TMEM132B: variants seen among roughly 807,000 people sequenced by gnomAD.
The protein encoded by TMEM132B is transmembrane protein 132B.
TMEM132B carries 18 observed loss-of-function variants against 90.8 expected under a neutral mutation model. The ratio of observed to expected loss-of-function variants is 0.20; its 90% CI spans 0.14 to 0.29. TMEM132B has a LOEUF of 0.29. Among genes scored for constraint, TMEM132B ranks in the 10% least tolerant of loss-of-function variants. The probability of loss-of-function intolerance (pLI) is 1.00; values close to 1 mark genes in which losing one functional copy is unlikely to be tolerated. For missense variants in TMEM132B, 1,096 were observed against 1,326.8 expected, an observed-to-expected ratio of 0.83 and a Z score of 2.70; for synonymous variants, 504 against 523.3, an observed-to-expected ratio of 0.96 and a Z score of 0.50.
chr12:125,441,974 A>T (rs2136430056), intron 3 of TMEM132B, among the ~76,000 whole-genome samples: 1 of 152,364 alleles, frequency 6.6e-6, no homozygotes, highest in East Asian at 1.9e-4. Context: ...TTCCTCTAAA[A>T]TTTATATTCT....
intron 5 of TMEM132B, among the ~76,000 whole-genome samples, chr12:125,608,966 C>T (rs1885761787): frequency 6.6e-6 from 1 of 152,176 alleles, no homozygotes; most frequent in East Asian, 1.9e-4. Context: ...CACAGTTCCT[C>T]ATGGCTGAGG....
intron 2 of TMEM132B, among the ~76,000 whole-genome samples, chr12:125,413,775 C>T (rs983517002): frequency 8.5e-5 from 13 of 152,138 alleles, no homozygotes; most frequent in East Asian, 3.8e-4. Context: ...CAGTCTTTTA[C>T]GTATTGCCCA....
intron 5 of TMEM132B, among the ~76,000 whole-genome samples, chr12:125,635,645 GGGTATGTACCCAGTAAT>G (rs1886462523): frequency 6.6e-6 from 1 of 152,148 alleles, no homozygotes; most frequent in Non-Finnish European, 1.5e-5. Flanking sequence ...ATAATCCTTT[GGGTATGTACCCAGTAAT>G]GGGATTGCTG....
chr12:125,343,878 C>A (rs1877274217), intron 1 of TMEM132B, among the ~76,000 whole-genome samples: 1 of 152,126 alleles, frequency 6.6e-6, no homozygotes, highest in African/African-American at 2.4e-5. Flanking sequence ...GTGTGATGGG[C>A]AAATGCTGTG....
In TMEM132B at chr12:125,598,716, T is replaced by C. The variant is rs80099212; in HGVS notation, c.1437+14722T>C. The stretch of plus-strand genomic sequence containing the variant: ...GTGGGGTTGACATGCAAACCTTACA[T>C]GATCCATTGCCACATGCAAAGGGGC... On this transcript the variant is annotated intron_variant, in intron 5 of 8. Transcript: ENST00000682704. 3.9e-3 allele frequency among the ~76,000 whole-genome samples: 599 copies of C among 152,336 alleles called. 3 individuals are homozygous for C. Among genetic ancestry groups the C allele is most frequent in the African/African-American group, 0.013 (533 of 41,578 alleles).
intron 5 of TMEM132B, among the ~76,000 whole-genome samples, chr12:125,639,895 T>C (rs1168709244): frequency 6.6e-6 from 1 of 152,186 alleles, no homozygotes; most frequent in East Asian, 1.9e-4. Context: ...TAGACCAAGA[T>C]GGCTTTAGCC....
chr12:125,454,392 T>TTGTGTGTGTG (rs749400783), intron 3 of TMEM132B, among the ~76,000 whole-genome samples: 17 of 112,082 alleles, frequency 1.5e-4, no homozygotes, highest in African/African-American at 4.8e-4. Context: ...GTGTGTGTGT[T>TTGTGTGTGTG]TGTGTGTGTG....
chr12:125,382,788 C>T (rs188410423), intron 2 of TMEM132B, among the ~76,000 whole-genome samples: 9 of 152,258 alleles, frequency 5.9e-5, no homozygotes, highest in East Asian at 1.9e-4. Flanking sequence ...TATTCCAGAT[C>T]GGGCTAACTT....
At chr12:125,284,521 T>C (rs1265436929) in intron 1 of TMEM132B, among the ~76,000 whole-genome samples, 1 of 152,320 alleles carries the variant, frequency 6.6e-6, no homozygotes, top group East Asian at 1.9e-4. Context: ...AGTTCTGTGC[T>C]TTTGTTAAAC....
chr12:125,525,322 C>T (rs543825449), intron 4 of TMEM132B, among the ~76,000 whole-genome samples: 4 of 152,158 alleles, frequency 2.6e-5, no homozygotes, highest in Admixed American at 6.5e-5. Context: ...AAACTCAATC[C>T]CCCTTGTGGT....
chr12:125,508,972 C>T (rs746255250), intron 3 of TMEM132B, among the ~76,000 whole-genome samples: 7 of 151,668 alleles, frequency 4.6e-5, no homozygotes, highest in South Asian at 2.1e-4. Context: ...TTGGTAGAGA[C>T]GGGGTTTCAC....
chr12:125,229,510 C>A (rs181568190), intron 1 of TMEM132B, among the ~76,000 whole-genome samples: 9 of 152,308 alleles, frequency 5.9e-5, no homozygotes, highest in African/African-American at 2.2e-4. Context: ...CTGTAACTGG[C>A]TAAATACATA....
At chr12:125,462,400 TG>T (rs35525252) in intron 3 of TMEM132B, among the ~76,000 whole-genome samples, 45,927 of 152,074 alleles carry the variant, frequency 0.3, 7,138 homozygotes, top group East Asian at 0.51. Flanking sequence ...AGACTGTTTC[TG>T]TCTTCATGGA....
At position 125,432,501 on chromosome 12, in the gene TMEM132B, A is replaced by ATATG. The variant is rs1555248839; in HGVS notation, c.1106+16825_1106+16826insATGT. On this transcript the variant is annotated intron_variant, in intron 3 of 8. Transcript: ENST00000682704. Reference sequence around the variant, plus strand: ...TGTATATATATGTATGTGTATATATATGTGTGTGTGTATATATATATATAT... The same window carrying ATATG: ...TGTATATATATGTATGTGTATATATATATGTGTGTGTGTGTATATATATATATAT... Among the ~76,000 whole-genome samples the ATATG allele has an allele frequency of 6.8e-3, 203 of 29,984 alleles. 46 individuals are homozygous for ATATG. The highest frequency in any genetic ancestry group is 0.064 in the African/African-American group (183 of 2,874). The allele number at this position is 29,984 out of a possible 152,430, so 19.7% of individuals were successfully genotyped here. A position where few individuals can be genotyped will look rare whatever the true frequency, so the allele number is the denominator to read the frequency against.
chr12:125,616,977 C>T (rs74848900), intron 5 of TMEM132B, among the ~76,000 whole-genome samples: 15,470 of 152,256 alleles, frequency 0.1, 1,059 homozygotes, highest in South Asian at 0.2. Context: ...ATAACCAAGT[C>T]TGCTAGCATC....
chr12:125,325,893 A>G (rs1876550285), intron 1 of TMEM132B, among the ~76,000 whole-genome samples: 1 of 152,160 alleles, frequency 6.6e-6, no homozygotes, highest in African/African-American at 2.4e-5. Flanking sequence ...TGGCTATACA[A>G]TCATATCAGA....
intron 1 of TMEM132B, among the ~76,000 whole-genome samples, chr12:125,311,063 C>CTGA (rs1272564212): frequency 4.6e-5 from 7 of 152,172 alleles, no homozygotes; most frequent in African/African-American, 1.4e-4. Flanking sequence ...GGAAGATGGG[C>CTGA]TGATACACTG....
intron 3 of TMEM132B, among the ~76,000 whole-genome samples, chr12:125,471,080 G>A (rs1429332454): frequency 6.6e-6 from 1 of 152,262 alleles, no homozygotes; most frequent in Non-Finnish European, 1.5e-5. Flanking sequence ...CTGTGTTGAT[G>A]TCCCCTGCTT....
intron 4 of TMEM132B, among the ~76,000 whole-genome samples, chr12:125,560,860 A>AT (rs869099860): frequency 9.5e-5 from 14 of 147,144 alleles, no homozygotes; most frequent in African/African-American, 3.6e-4. Flanking sequence ...AAAAAAAAAA[A>AT]GTCAGGAAAC....
Sources: gnomAD v4.1 joint callset for allele counts (sites outside exome capture counted in the v4.1 genomes callset) on GRCh38, gnomAD v4.1.1 for gene constraint, MANE v1.5 for transcripts, NCBI Gene and HGNC (gene_info 2026-07-23, HGNC 2026-07-21) for gene names.